OR51B5: variants seen among roughly 807,000 people sequenced by gnomAD.
OR51B5 encodes olfactory receptor family 51 subfamily B member 5, also known as olfactory receptor 51B5.
For missense variants in OR51B5, 456 were observed against 374.6 expected, an observed-to-expected ratio of 1.22 and a Z score of -1.79; for synonymous variants, 186 against 144.8, an observed-to-expected ratio of 1.28 and a Z score of -2.04.
Position 5,419,814 on chromosome 11 carries a change from T to G in OR51B5, n.85-72904A>C, listed in dbSNP as rs558513426. On this transcript the variant is annotated intron_variant and non_coding_transcript_variant, in intron 1 of 4. Transcript: ENST00000415970. ...TACAATGGGCATGATAATAGCTCCT[T>G]TTTCCAAGGGTCATTATTAGCACTA... Among the ~76,000 whole-genome samples the G allele has an allele frequency of 2.3e-4, 35 of 151,998 alleles. 1 individual carries two copies. The highest frequency in any genetic ancestry group is 4.9e-4 in the Non-Finnish European group (33 of 67,944).
At chr11:5,465,387 CT>C (rs1376653730) in intron 1 of OR51B5, among the ~76,000 whole-genome samples, 1 of 151,668 alleles carries the variant, frequency 6.6e-6, no homozygotes, top group Non-Finnish European at 1.5e-5. Context: ...TGTTTTTTGG[CT>C]GCATAAATGT....
At chr11:5,437,334 G>A (rs1850607668) in intron 1 of OR51B5, among the ~76,000 whole-genome samples, 3 of 152,066 alleles carry the variant, frequency 2.0e-5, no homozygotes, top group Admixed American at 2.0e-4. Context: ...ATTCCAACGG[G>A]AAAATTCCAG....
downstream of OR51B5, among the ~76,000 whole-genome samples, chr11:5,341,868 A>C (rs1331095891): frequency 1.3e-5 from 2 of 152,180 alleles, no homozygotes; most frequent in African/African-American, 4.8e-5. Context: ...AGCAAGATAG[A>C]AGGAGGTACT....
intron 1 of OR51B5, among the ~76,000 whole-genome samples, chr11:5,475,364 T>C (rs1851287569): frequency 1.3e-5 from 2 of 152,196 alleles, no homozygotes; most frequent in Admixed American, 1.3e-4. Context: ...CAAAATGACC[T>C]CCTTTCAGTT....
intron 1 of OR51B5, among the ~76,000 whole-genome samples, chr11:5,404,146 G>T (rs2736524): frequency 7.5e-5 from 10 of 133,944 alleles, no homozygotes; most frequent in Non-Finnish European, 1.1e-4. Flanking sequence ...CTTCTGGGTC[G>T]GGGGCGGGGG....
At chr11:5,402,970 C>T (rs1049547499) in intron 1 of OR51B5, 24 of 471,198 alleles carry the variant, frequency 5.1e-5, no homozygotes, top group East Asian at 2.8e-4. Flanking sequence ...GTCTTTGGAC[C>T]GCTTTATAGC....
chr11:5,399,307 G>T (rs1564800230), intron 1 of OR51B5, among the ~76,000 whole-genome samples: 1 of 152,276 alleles, frequency 6.6e-6, no homozygotes. Context: ...TTAATAAAAA[G>T]TTGGAAATAA....
intron 1 of OR51B5, chr11:5,441,318 G>A: frequency 6.2e-7 from 1 of 1,613,956 alleles, no homozygotes. Context: ...AGCGAGCATA[G>A]AGAGGAAGTA....
chr11:5,361,121 C>A (rs1275848730), intron 1 of OR51B5, among the ~76,000 whole-genome samples: 1 of 149,846 alleles, frequency 6.7e-6, no homozygotes. Context: ...GCAAATGTAC[C>A]CTAAAACTTA....
intron 1 of OR51B5, among the ~76,000 whole-genome samples, chr11:5,388,838 C>G (rs1589969134): frequency 6.6e-6 from 1 of 151,884 alleles, no homozygotes; most frequent in African/African-American, 2.4e-5. Context: ...AGTAAACAGA[C>G]TTGAGGTATT....
At chr11:5,361,098 A>G (rs1216566801) in intron 1 of OR51B5, among the ~76,000 whole-genome samples, 1 of 152,154 alleles carries the variant, frequency 6.6e-6, no homozygotes, top group African/African-American at 2.4e-5. Context: ...TATGTAACAA[A>G]CCTGCACGTT....
intron 1 of OR51B5, chr11:5,403,496 G>T (rs1258609701): frequency 2.1e-6 from 1 of 471,782 alleles, no homozygotes; most frequent in Non-Finnish European, 4.4e-6. Context: ...AGACCAAGGA[G>T]ATCCATGGTG....
chr11:5,370,316 T>G (rs1849429193), intron 1 of OR51B5, among the ~76,000 whole-genome samples: 1 of 152,172 alleles, frequency 6.6e-6, no homozygotes, highest in African/African-American at 2.4e-5. Flanking sequence ...TGTCCAGGAT[T>G]GGAAATGCTA....
At chr11:5,375,336 C>G (rs183220581) in intron 1 of OR51B5, among the ~76,000 whole-genome samples, 8 of 151,510 alleles carry the variant, frequency 5.3e-5, no homozygotes, top group Non-Finnish European at 1.2e-4. Context: ...GAAGGAAGCA[C>G]TAAACATGGA....
intron 1 of OR51B5, chr11:5,454,226 G>A (rs1320921070): frequency 1.2e-6 from 2 of 1,614,148 alleles, no homozygotes; most frequent in Admixed American, 1.7e-5. Context: ...CACATATCCT[G>A]GCTGTACTTG....
intron 1 of OR51B5, among the ~76,000 whole-genome samples, chr11:5,491,039 C>A (rs1851573521): frequency 6.6e-6 from 1 of 152,338 alleles, no homozygotes; most frequent in South Asian, 2.1e-4. Flanking sequence ...GTGCCTTGCA[C>A]ATAATTAATA....
At position 5,503,370 on chromosome 11, in the gene OR51B5, C is replaced by T. The variant is rs536649496; in HGVS notation, n.84+2199G>A. 2.6e-4 allele frequency among the ~76,000 whole-genome samples: 39 copies of T among 152,224 alleles called. 1 individual carries two copies. Among genetic ancestry groups the T allele is most frequent in the African/African-American group, 9.1e-4 (38 of 41,550 alleles). ...TCAAAATAACAATCAAAAAATGTCA[C>T]GTGTAAATAAACCCAAATGCGTAAA... On this transcript the variant is annotated intron_variant and non_coding_transcript_variant, in intron 1 of 4. Coordinates refer to the OR51B5 transcript ENST00000415970.
At chr11:5,360,275 G>T (rs1380218638) in intron 1 of OR51B5, among the ~76,000 whole-genome samples, 1 of 151,788 alleles carries the variant, frequency 6.6e-6, no homozygotes, top group African/African-American at 2.4e-5. Context: ...CAGAATCTAT[G>T]ATGAACTCAA....
intron 1 of OR51B5, chr11:5,505,313 A>G (rs1170477423): frequency 5.4e-6 from 7 of 1,302,494 alleles, no homozygotes; most frequent in East Asian, 5.6e-5. Flanking sequence ...GGTTCAATGT[A>G]TATCTTCCCC....
Sources: allele counts gnomAD v4.1 joint callset (sites outside exome capture counted in the v4.1 genomes callset), GRCh38; gene constraint gnomAD v4.1.1; transcripts MANE v1.5; gene names NCBI Gene and HGNC (gene_info 2026-07-23, HGNC 2026-07-21).